The following CSMD1 variants were observed in gnomAD, a reference collection of about 807,000 sequenced individuals.
CSMD1 encodes the protein CUB and Sushi multiple domains 1, also known as CUB and sushi domain-containing protein 1.
A neutral mutation model predicts 417.5 loss-of-function variants in CSMD1; 213 were observed. The ratio of observed to expected loss-of-function variants is 0.51; its 90% confidence interval spans 0.46 to 0.57. The LOEUF (loss-of-function observed/expected upper bound fraction) is 0.57, where lower values mean the gene tolerates loss of function less well. CSMD1 is among the 20% of genes least tolerant of loss of function. CSMD1 has a pLI of 0.00. For missense variants in CSMD1, 6,923 were observed against 4,529.7 expected, an observed-to-expected ratio of 1.53 and a Z score of -15.17; for synonymous variants, 2,862 against 1,736.8, an observed-to-expected ratio of 1.65 and a Z score of -16.11.
rs548468282 is a variant in CSMD1, at chr8:4,142,060, T to C, written c.416-109961A>G. Among the ~76,000 whole-genome samples the C allele has an allele frequency of 3.0e-5, 3 of 100,830 alleles. No individual in the cohort carries two copies. In the East Asian group the frequency reaches 6.9e-4, roughly 23 times the overall value. The allele number at this position is 100,830 out of a possible 152,430, so 66.1% of individuals were successfully genotyped here. ...TGTTTTAAATGTTTGAATATATAAG[T>C]TGAAAAAAAAATAACTCCATACTGG... On this transcript the variant is annotated intron_variant, in intron 3 of 69. Coordinates refer to ENST00000635120, the MANE Select transcript of CSMD1 (RefSeq NM_033225.6).
In CSMD1 at chr8:3,798,758, A is replaced by T. The variant is rs186694963; in HGVS notation, c.819-44716T>A. ...AATGTCACTATAGATCAGTATTTAG[A>T]AATTTTTTTTACTATGTTTGTATTT... On this transcript the variant is annotated intron_variant, in intron 5 of 69. Transcript: ENST00000635120. Among the ~76,000 whole-genome samples, 281 of 152,164 alleles carry T rather than the reference A, an allele frequency of 1.8e-3. 1 individual carries two copies. Among genetic ancestry groups the T allele is most frequent in the Admixed American group, 2.6e-3 (40 of 15,254 alleles).
chr8:3,448,405 A>AGGG (rs1815465362), intron 12 of CSMD1, among the ~76,000 whole-genome samples: 1 of 117,114 alleles, frequency 8.5e-6, no homozygotes, highest in African/African-American at 3.4e-5. Flanking sequence ...AAGGGAAGGA[A>AGGG]GGAAGGAAGG....
chr8:3,636,561 T>A (rs1239749585), intron 7 of CSMD1, among the ~76,000 whole-genome samples: 2 of 152,204 alleles, frequency 1.3e-5, no homozygotes, highest in Non-Finnish European at 2.9e-5. Context: ...GGAATGTACA[T>A]GTAACTTTAT....
intron 1 of CSMD1, among the ~76,000 whole-genome samples, chr8:4,774,285 T>C (rs1261015484): frequency 2.6e-5 from 4 of 152,216 alleles, no homozygotes; most frequent in Non-Finnish European, 5.9e-5. Context: ...ACAGTGCAGT[T>C]TGAATCTTAC....
chr8:3,250,591 G>A (rs1380671875), intron 26 of CSMD1, among the ~76,000 whole-genome samples: 1 of 152,168 alleles, frequency 6.6e-6, no homozygotes, highest in Non-Finnish European at 1.5e-5. Context: ...GGATGGCTGG[G>A]TCAAATGGTA....
At chr8:3,772,458 TACATATATACAC>T (rs1798645069) in intron 5 of CSMD1, among the ~76,000 whole-genome samples, 1 of 76,164 alleles carries the variant, frequency 1.3e-5, no homozygotes, top group Non-Finnish European at 2.8e-5. Flanking sequence ...CACATATATA[TACATATATACAC>T]ATATATATAC....
At chr8:4,688,635 AT>A (rs1462574066) in intron 1 of CSMD1, among the ~76,000 whole-genome samples, 1 of 152,086 alleles carries the variant, frequency 6.6e-6, no homozygotes, top group African/African-American at 2.4e-5. Flanking sequence ...CTTCAGAGCC[AT>A]TTGGGGGGGT....
intron 2 of CSMD1, among the ~76,000 whole-genome samples, chr8:4,537,041 G>C (rs533644303): frequency 6.6e-6 from 1 of 152,110 alleles, no homozygotes; most frequent in Non-Finnish European, 1.5e-5. Context: ...TCAATAGTGG[G>C]TTATTTAAAC....
intron 1 of CSMD1, among the ~76,000 whole-genome samples, chr8:4,979,809 G>A (rs62489456): frequency 4.3e-4 from 66 of 152,108 alleles, no homozygotes; most frequent in South Asian, 1.0e-3. Flanking sequence ...AGGCTGAAGC[G>A]GGTGGATCAC....
chr8:3,322,894 C>T (rs1475658012), intron 23 of CSMD1, among the ~76,000 whole-genome samples: 2 of 152,326 alleles, frequency 1.3e-5, no homozygotes, highest in East Asian at 3.9e-4. Flanking sequence ...TTAGGAAGTG[C>T]TGTGATTCCT....
chr8:4,441,463 G>A (rs1798477818), intron 2 of CSMD1, among the ~76,000 whole-genome samples: 1 of 151,762 alleles, frequency 6.6e-6, no homozygotes, highest in Admixed American at 6.6e-5. Context: ...AGTGTTGAAT[G>A]TTTTATTAGG....
At chr8:3,074,681 A>G (rs1813523470) in intron 49 of CSMD1, among the ~76,000 whole-genome samples, 1 of 152,266 alleles carries the variant, frequency 6.6e-6, no homozygotes, top group South Asian at 2.1e-4. Context: ...TTTATCTAAT[A>G]GTTAGAAACG....
At chr8:3,509,971 G>A (rs970176372) in intron 10 of CSMD1, among the ~76,000 whole-genome samples, 1 of 152,130 alleles carries the variant, frequency 6.6e-6, no homozygotes, top group Admixed American at 6.5e-5. Flanking sequence ...TACTTGGTAA[G>A]TGTGTCAAAA....
intron 2 of CSMD1, among the ~76,000 whole-genome samples, chr8:4,580,731 C>T (rs544845017): frequency 6.6e-6 from 1 of 152,202 alleles, no homozygotes; most frequent in African/African-American, 2.4e-5. Flanking sequence ...GATTAAATCA[C>T]CCCAAATCAA....
At chr8:4,164,693 T>C (rs188672912) in intron 3 of CSMD1, among the ~76,000 whole-genome samples, 1 of 152,208 alleles carries the variant, frequency 6.6e-6, no homozygotes, top group East Asian at 1.9e-4. Context: ...TTAAAATATG[T>C]TGCTGAGGTG....
intron 20 of CSMD1, among the ~76,000 whole-genome samples, chr8:3,359,966 T>A (rs1032670660): frequency 1.3e-5 from 2 of 152,200 alleles, no homozygotes; most frequent in Non-Finnish European, 2.9e-5. Context: ...TGGAATAATT[T>A]TACTGATATT....
chr8:3,891,049 GTTTTA>G (rs1306934542), intron 5 of CSMD1, among the ~76,000 whole-genome samples: 2 of 147,770 alleles, frequency 1.4e-5, no homozygotes, highest in Non-Finnish European at 3.0e-5. Flanking sequence ...TTTTTTTTTT[GTTTTA>G]TTTTATTATT....
At chr8:3,952,722 G>C (rs186337097) in intron 5 of CSMD1, among the ~76,000 whole-genome samples, 2 of 152,132 alleles carry the variant, frequency 1.3e-5, no homozygotes, top group Admixed American at 6.5e-5. Context: ...TCACTGAATT[G>C]GACATTTTAA....
intron 11 of CSMD1, among the ~76,000 whole-genome samples, chr8:3,490,982 G>A (rs1049367505): frequency 7.2e-5 from 11 of 152,122 alleles, no homozygotes; most frequent in Non-Finnish European, 1.2e-4. Flanking sequence ...AATTTTCAGG[G>A]GGGATAATTG....
Sources: allele counts gnomAD v4.1 joint callset (sites outside exome capture counted in the v4.1 genomes callset), GRCh38; gene constraint gnomAD v4.1.1; transcripts MANE v1.5; gene names NCBI Gene and HGNC (gene_info 2026-07-23, HGNC 2026-07-21).